Variants in CHPF2 observed in about 807,000 individuals in gnomAD.
CHPF2 encodes chondroitin polymerizing factor 2, also known as chondroitin polymerizing factor 2, non-catalytic subunit.
A neutral mutation model predicts 63.0 loss-of-function variants in CHPF2; 58 were observed. That is an observed-to-expected ratio of 0.92 (90% CI 0.75 to 1.15). CHPF2 has a LOEUF of 1.15. Ranked by LOEUF, CHPF2 falls within the 50% of genes most tolerant of loss-of-function variation. CHPF2 has a pLI of 0.00. For missense variants in CHPF2, 1,045 were observed against 1,035.4 expected, an observed-to-expected ratio of 1.01 and a Z score of -0.13; for synonymous variants, 442 against 438.0, an observed-to-expected ratio of 1.01 and a Z score of -0.11.
chr7:151,238,544 T>C lies in CHPF2; in HGVS notation c.2182T>C (p.Phe728Leu). 19 of 1,611,664 alleles carry C rather than the reference T, an allele frequency of 1.2e-5. No individual in the cohort carries two copies. Among genetic ancestry groups the C allele is most frequent in the Non-Finnish European group, 1.6e-5 (19 of 1,178,626 alleles). Reference sequence around the variant, plus strand: ...CGTAGAGCCAGGGCTGGTGCAGAAGTTCTCCCTGCGAGACTGCAGCCCACG... The same window carrying C: ...CGTAGAGCCAGGGCTGGTGCAGAAGCTCTCCCTGCGAGACTGCAGCCCACG... ...RAVEPGLVQK[F>L]SLRDCSPRLS... The change falls in exon 4 of 4, where the codon TTC becomes CTC. Residue 728 changes from phenylalanine (F) to leucine (L), a missense_variant. Phe to Leu is a conservative substitution (Grantham distance 22). Coordinates refer to ENST00000035307, the MANE Select transcript of CHPF2 (RefSeq NM_019015.3).
rs916533998 is a variant in CHPF2 at position 151,235,289 on chromosome 7, A to G, written c.505A>G (p.Thr169Ala). The G allele has an allele frequency of 6.2e-7, 1 of 1,613,812 alleles. No individual in the cohort carries two copies. Among genetic ancestry groups the G allele is most frequent in the Non-Finnish European group, 8.5e-7 (1 of 1,180,016 alleles). Residue 169 changes from threonine to alanine, a missense_variant, in exon 2 of 4, where the codon ACA becomes GCA. Physicochemically the swap from Thr to Ala is moderately conservative, Grantham distance 58. Coordinates refer to ENST00000035307, the MANE Select transcript of CHPF2 (RefSeq NM_019015.3). ...GTCAGAGACCCTGCGCCACCTTCAC[A>G]CACACTTTGGGGCCGACTACGACTG... ...LMSETLRHLH[T>A]HFGADYDWFF...
chr7:151,232,565 C>T lies in CHPF2; in HGVS notation c.-1447C>T, dbSNP rs1802499710. On this transcript the variant is annotated 5_prime_UTR_variant, in exon 1 of 4. Coordinates refer to ENST00000035307, the MANE Select transcript of CHPF2 (RefSeq NM_019015.3). ...GCCTCAGCGGGCACTGGGGTCTGTT[C>T]CCCCTTCCCCGTCCCTGCTCCCTGC... 5.5e-6 allele frequency: 3 copies of T among 543,356 alleles called. No individual in the cohort carries two copies. The highest frequency in any genetic ancestry group is 9.5e-6 in the Non-Finnish European group (3 of 316,828). The allele number at this position is 543,356 out of a possible 1,614,324, so 33.7% of individuals were successfully genotyped here.
chr7:151,235,237 T>G lies in CHPF2; in HGVS notation c.453T>G (p.His151Gln), dbSNP rs201628240. The G allele has an allele frequency of 1.9e-6, 3 of 1,613,124 alleles. No individual in the cohort carries two copies. In the South Asian group the frequency reaches 3.3e-5, roughly 18 times the overall value. The change falls in exon 2 of 4, where the codon CAT becomes CAG. Residue 151 changes from histidine (H) to glutamine (Q), a missense_variant. Transcript: ENST00000035307. ...CAGCAGGGATGCAGGTGGTGTCTCA[T>G]GGGGATGAGCGGCCCGCCTGGCTCA... ...RAPAGMQVVSHGDERPAWLMS... is the reference protein window; with the variant it reads ...RAPAGMQVVSQGDERPAWLMS...
Position 151,233,880 on chromosome 7 carries a change from G to A in CHPF2, c.-132G>A. On this transcript the variant is annotated 5_prime_UTR_variant, in exon 1 of 4. Transcript: ENST00000035307. ...CTGGTCCTGGAAGCCAGCGGGCCTC[G>A]CTCTGTCTTTGGCCTCATTGACCCC... 7.7e-7 allele frequency: 1 copy of A among 1,304,356 alleles called. No homozygotes were observed. Among genetic ancestry groups the A allele is most frequent in the Non-Finnish European group, 9.7e-7 (1 of 1,027,756 alleles). The allele number at this position is 1,304,356 out of a possible 1,614,324, so 80.8% of individuals were successfully genotyped here. A position where few individuals can be genotyped will look rare whatever the true frequency, so the allele number is the denominator to read the frequency against.
chr7:151,237,919 A>T lies in CHPF2; in HGVS notation c.1557A>T (p.Glu519Asp). 1 of 1,612,924 alleles carries T rather than the reference A, an allele frequency of 6.2e-7. No individual in the cohort carries two copies. The highest frequency in any genetic ancestry group is 8.5e-7 in the Non-Finnish European group (1 of 1,179,936). The change falls in exon 4 of 4, where the codon GAA (glutamate) becomes GAT (aspartate). Residue 519 changes from glutamate (E) to aspartate (D), a missense_variant. Glu to Asp is a conservative substitution (Grantham distance 45, BLOSUM62 2). Transcript: ENST00000035307. ...CAGCCAATGTCCTGGAGCCACGAGA[A>T]CATGCATTGCTCACCCTGTTGCTGG... Reference protein sequence around the residue: ...AFAANVLEPREHALLTLLLVY... With the variant: ...AFAANVLEPRDHALLTLLLVY...
chr7:151,232,634 C>T lies in CHPF2; in HGVS notation c.-1378C>T. ...CGCTCTTGGTCCCCACGCCTCCGCC[C>T]CGCCCCCTCCCGGGACGCCGGGAGA... On this transcript the variant is annotated 5_prime_UTR_variant, in exon 1 of 4. Transcript: ENST00000035307. 1.1e-6 allele frequency: 1 copy of T among 941,986 alleles called. No homozygotes were observed. Among genetic ancestry groups the T allele is most frequent in the Non-Finnish European group, 1.5e-6 (1 of 658,210 alleles). 58.4% of individuals were successfully genotyped at this position (941,986 alleles called of 1,614,324 possible).
Position 151,233,459 on chromosome 7 carries a change from C to T in CHPF2, c.-553C>T. ...CTTCCCTTGTGCCCACCGGGCCTGCCGCAGTGGCTCAGCAGCCCCTTCAGT... is the reference window on the plus strand; with the variant it reads ...CTTCCCTTGTGCCCACCGGGCCTGCTGCAGTGGCTCAGCAGCCCCTTCAGT... On this transcript the variant is annotated 5_prime_UTR_variant, in exon 1 of 4. Coordinates refer to ENST00000035307, the MANE Select transcript of CHPF2 (RefSeq NM_019015.3). 2 of 985,698 alleles carry T rather than the reference C, an allele frequency of 2.0e-6. No homozygotes were observed. Among genetic ancestry groups the T allele is most frequent in the Non-Finnish European group, 2.4e-6 (2 of 830,124 alleles). 61.1% of individuals were successfully genotyped at this position (985,698 alleles called of 1,614,324 possible). A position where few individuals can be genotyped will look rare whatever the true frequency, so the allele number is the denominator to read the frequency against.
At chr7:151,237,226 G>C in intron 3 of CHPF2, 148 bp from the exon 4 acceptor site, 1 of 619,650 alleles carries the variant, frequency 1.6e-6, no homozygotes, top group East Asian at 2.7e-5. Flanking sequence ...TAACGTACAA[G>C]GGATTCAGTG....
intron 2 of CHPF2, among the ~76,000 whole-genome samples, chr7:151,236,143 T>C (rs937420125): frequency 1.3e-5 from 2 of 152,238 alleles, no homozygotes; most frequent in East Asian, 1.9e-4. Flanking sequence ...GTTATTTCTG[T>C]GATGGCTCCT....
Position 151,233,235 on chromosome 7 carries a change from G to A in CHPF2, c.-777G>A. The A allele has an allele frequency of 2.0e-6, 2 of 1,002,336 alleles. No homozygotes were observed. Among genetic ancestry groups the A allele is most frequent in the Non-Finnish European group, 1.2e-6 (1 of 841,222 alleles). The allele number at this position is 1,002,336 out of a possible 1,614,324, so 62.1% of individuals were successfully genotyped here. The stretch of plus-strand genomic sequence containing the variant: ...CAGCAGCTGGGGTTCCGAGGAGAAT[G>A]CCCTGCAAGATGGCTCCATCGGCCA... On this transcript the variant is annotated 5_prime_UTR_variant, in exon 1 of 4. An upstream start codon of the reference 5' UTR is lost. Coordinates refer to ENST00000035307, the MANE Select transcript of CHPF2 (RefSeq NM_019015.3).
intron 3 of CHPF2, 101 bp downstream of exon 3, chr7:151,236,691 C>A: frequency 8.8e-7 from 1 of 1,134,878 alleles, no homozygotes; most frequent in Non-Finnish European, 1.2e-6. Flanking sequence ...GGCAGTGGGG[C>A]TGGGCTAGGC....
rs766282248 is a variant in CHPF2, at chr7:151,237,652, C to T, written c.1290C>T (p.Leu430=). 2 of 1,613,330 alleles carry T rather than the reference C, an allele frequency of 1.2e-6. No homozygotes were observed. The highest frequency in any genetic ancestry group is 2.2e-5 in the South Asian group (2 of 91,088). ...PRLRFQKQRL[L]NGYRRFDPAR... ...TGCGCTTCCAGAAGCAGCGACTGCT[C>T]AACGGCTATCGGCGCTTCGACCCAG... is the stretch of plus-strand genomic sequence containing the variant. The change falls in exon 4 of 4, where the codon CTC becomes CTT. Residue 430 remains leucine (L), a synonymous_variant. Coordinates refer to ENST00000035307, the MANE Select transcript of CHPF2 (RefSeq NM_019015.3).
chr7:151,232,512 T>C lies in CHPF2; in HGVS notation c.-1500T>C, dbSNP rs887431185. 1 of 497,156 alleles carries C rather than the reference T, an allele frequency of 2.0e-6. No homozygotes were observed. The highest frequency in any genetic ancestry group is 2.1e-5 in the African/African-American group (1 of 48,674). 30.8% of individuals were successfully genotyped at this position (497,156 alleles called of 1,614,324 possible). A position where few individuals can be genotyped will look rare whatever the true frequency, so the allele number is the denominator to read the frequency against. On this transcript the variant is annotated 5_prime_UTR_variant, in exon 1 of 4. Coordinates refer to ENST00000035307, the MANE Select transcript of CHPF2 (RefSeq NM_019015.3). The stretch of plus-strand genomic sequence containing the variant: ...GAAGCTGCGGACAGGGGCTGTGAGG[T>C]GGCAGCGGCTGCAGCGGCGGAGCCG...
At position 151,237,847 on chromosome 7, in the gene CHPF2, C is replaced by T. The variant is rs768451770; in HGVS notation, c.1485C>T (p.Leu495=). 2.5e-6 allele frequency: 4 copies of T among 1,612,708 alleles called. No homozygotes were observed. In the East Asian group the frequency reaches 8.9e-5, roughly 36 times the overall value. The change falls in exon 4 of 4, where the codon CTC becomes CTT. Residue 495 remains leucine (L), a synonymous_variant. Coordinates refer to ENST00000035307, the MANE Select transcript of CHPF2 (RefSeq NM_019015.3). ...CCCGAGTGCAGCTGGTGCTGCCACT[C>T]CTGGTGGCTGAAGCTGCTGCAGCCC... ...EATRVQLVLP[L]LVAEAAAAPA...
chr7:151,236,409 G>T lies in CHPF2; in HGVS notation c.830G>T (p.Gly277Val), dbSNP rs1802649540. 2.5e-6 allele frequency: 4 copies of T among 1,573,320 alleles called. No individual in the cohort carries two copies. The highest frequency in any genetic ancestry group is 3.5e-6 in the Non-Finnish European group (4 of 1,153,148). Residue 277 changes from glycine (G) to valine (V), a missense_variant and splice_region_variant, in exon 3 of 4, where the codon GGG (glycine) becomes GTG (valine). Coordinates refer to ENST00000035307, the MANE Select transcript of CHPF2 (RefSeq NM_019015.3). ...TGATTGGTCTGATTGTCCCTCTAGG[G>T]GCAGCAGTATCGCTCATTTGAACTG... ...LGVGCVSQHQ[G>V]QQYRSFELAK...
In CHPF2 at chr7:151,236,471, G is replaced by A. The variant is rs1233424991; in HGVS notation, c.892G>A (p.Ala298Thr). ...GGACCCTGAGAAGGAAGGGAGCTCGGCTTTCCTGAGTGCCTTCGCCGTGCA... is the reference window on the plus strand; with the variant it reads ...GGACCCTGAGAAGGAAGGGAGCTCGACTTTCCTGAGTGCCTTCGCCGTGCA... The part of the protein sequence containing the change: ...NRDPEKEGSS[A>T]FLSAFAVHPV... The change falls in exon 3 of 4, where the codon GCT becomes ACT. Residue 298 changes from alanine (A) to threonine (T), a missense_variant. Physicochemically the swap from Ala to Thr is moderately conservative, Grantham distance 58. Transcript: ENST00000035307. The A allele has an allele frequency of 1.2e-6, 2 of 1,608,708 alleles. No individual in the cohort carries two copies. Among genetic ancestry groups the A allele is most frequent in the Non-Finnish European group, 1.7e-6 (2 of 1,175,638 alleles).
rs1688549189 is a variant in CHPF2, at chr7:151,238,384, C to T, written c.2022C>T (p.Phe674=). The change falls in exon 4 of 4, where the codon TTC becomes TTT. Residue 674 remains phenylalanine, a synonymous_variant. Coordinates refer to ENST00000035307, the MANE Select transcript of CHPF2 (RefSeq NM_019015.3). The part of the protein sequence containing the change: ...FDRQASAEGC[F]YNADYLAARA... The stretch of plus-strand genomic sequence containing the variant: ...GGCAGGCTTCTGCGGAGGGCTGCTT[C>T]TACAACGCTGACTACCTGGCGGCCC... The T allele has an allele frequency of 1.9e-6, 3 of 1,607,308 alleles. No homozygotes were observed. Among genetic ancestry groups the T allele is most frequent in the Non-Finnish European group, 2.5e-6 (3 of 1,176,582 alleles).
At position 151,238,684 on chromosome 7, in the gene CHPF2, C is replaced by G. The variant is rs184609603; in HGVS notation, c.*3C>G. 437 of 1,606,558 alleles carry G rather than the reference C, an allele frequency of 2.7e-4. 2 individuals are homozygous for G. The African/African-American group carries it at 5.3e-3, about 20-fold the overall frequency. ...AGGAGCAGGCCAATAGCACTTAGCCCGCCTGGGGGCCCTAACCTCATTACC... is the reference window on the plus strand; with the variant it reads ...AGGAGCAGGCCAATAGCACTTAGCCGGCCTGGGGGCCCTAACCTCATTACC... On this transcript the variant is annotated 3_prime_UTR_variant, in exon 4 of 4. Coordinates refer to ENST00000035307, the MANE Select transcript of CHPF2 (RefSeq NM_019015.3).
Position 151,237,564 on chromosome 7 carries a change from C to A in CHPF2, c.1202C>A (p.Ala401Glu). ...TGCCCACTACAGGGGGCTAGCAGGG[C>A]GGACGTGGGTGATGCGTTGGAGACT... ...PKCPLQGASR[A>E]DVGDALETAL... Residue 401 changes from alanine (A) to glutamate (E), a missense_variant, in exon 4 of 4, where the codon GCG becomes GAG. Transcript: ENST00000035307. 7 of 1,613,856 alleles carry A rather than the reference C, an allele frequency of 4.3e-6. No individual in the cohort carries two copies. The highest frequency in any genetic ancestry group is 5.9e-6 in the Non-Finnish European group (7 of 1,180,012).
Sources: allele counts gnomAD v4.1 joint callset (sites outside exome capture counted in the v4.1 genomes callset), GRCh38; gene constraint gnomAD v4.1.1; transcripts MANE v1.5; gene names NCBI Gene and HGNC (gene_info 2026-07-23, HGNC 2026-07-21).